UBE4B: variants seen among roughly 807,000 people sequenced by gnomAD.
The protein encoded by UBE4B is ubiquitin conjugation factor E4 B.
In UBE4B, 27 loss-of-function variants were observed where a neutral mutation model predicts 148.1. That is an observed-to-expected ratio of 0.18 (90% confidence interval 0.13 to 0.25). UBE4B has a LOEUF of 0.25. Ranked by LOEUF, UBE4B falls within the 10% of genes least tolerant of loss-of-function variation. The probability of loss-of-function intolerance (pLI) is 1.00; values close to 1 mark genes in which losing one functional copy is unlikely to be tolerated. For synonymous variants in UBE4B, 596 were observed against 619.3 expected (o/e 0.96, Z 0.56); for missense variants, 1,170 against 1,662.4 (o/e 0.70, Z 5.15).
intron 2 of UBE4B, among the ~76,000 whole-genome samples, chr1:10,075,392 C>T (rs958930133): frequency 6.6e-6 from 1 of 152,198 alleles, no homozygotes; most frequent in African/African-American, 2.4e-5. Flanking sequence ...GCATCTCTTG[C>T]CTGGATTTCT....
chr1:10,175,461 C>A (rs185219732), intron 25 of UBE4B, among the ~76,000 whole-genome samples: 8 of 151,006 alleles, frequency 5.3e-5, no homozygotes, highest in East Asian at 1.9e-4. Flanking sequence ...ACCGTCCTGG[C>A]TAACACGGTG....
intron 1 of UBE4B, 82 bp from the exon 2 acceptor site, chr1:10,071,946 T>G (rs1276868200): frequency 3.6e-6 from 5 of 1,394,844 alleles, no homozygotes; most frequent in Non-Finnish European, 4.8e-6. Flanking sequence ...AACTCTGGTT[T>G]GGTTATGAAT....
At chr1:10,089,203 C>T (rs1644809685) in intron 2 of UBE4B, among the ~76,000 whole-genome samples, 1 of 152,098 alleles carries the variant, frequency 6.6e-6, no homozygotes, top group Non-Finnish European at 1.5e-5. Flanking sequence ...GACAGGGTTT[C>T]ACCATATTGG....
At chr1:10,054,602 A>G (rs1355875685) in intron 1 of UBE4B, 2 of 261,286 alleles carry the variant, frequency 7.7e-6, no homozygotes, top group African/African-American at 4.6e-5. Flanking sequence ...TAGAGCGCTT[A>G]ATGTGCTCAA....
At chr1:10,129,474 A>G (rs72638958) in intron 12 of UBE4B, 26 bp downstream of exon 12, 3 of 1,601,774 alleles carry the variant, frequency 1.9e-6, no homozygotes, top group East Asian at 2.2e-5. Context: ...ATGGGCTTGC[A>G]CATTTTCAGT....
At chr1:10,048,977 A>G (rs1045238472) in intron 1 of UBE4B, among the ~76,000 whole-genome samples, 9 of 152,144 alleles carry the variant, frequency 5.9e-5, no homozygotes, top group African/African-American at 2.2e-4. Flanking sequence ...CTCTTTCCCC[A>G]AGGGAGGAAG....
intron 1 of UBE4B, among the ~76,000 whole-genome samples, chr1:10,071,054 G>A (rs960147408): frequency 1.1e-4 from 16 of 152,028 alleles, no homozygotes; most frequent in African/African-American, 3.1e-4. Context: ...TTACAGGCAC[G>A]CATCACCACA....
intron 25 of UBE4B, among the ~76,000 whole-genome samples, chr1:10,176,787 T>C (rs546744317): frequency 6.4e-4 from 92 of 143,720 alleles, no homozygotes; most frequent in African/African-American, 2.2e-3. Context: ...TCTTTTTCTT[T>C]TTTTTTTTTT....
chr1:10,105,479 T>C (rs774182138), intron 5 of UBE4B, 37 bp from the exon 6 acceptor site: 17 of 1,595,642 alleles, frequency 1.1e-5, no homozygotes, highest in Middle Eastern at 1.7e-4. Flanking sequence ...GTGTTCGAAC[T>C]GTGTGTAACC....
In UBE4B at chr1:10,042,260, G is replaced by A. The variant is rs182969387; in HGVS notation, c.24+8566G>A. On this transcript the variant is annotated intron_variant, in intron 1 of 27. Transcript: ENST00000343090. ...TAGTGGAAATGTCTTCCTGTAAACG[G>A]TTCATTCAACAGCGCTTACAGTTGA... Among the ~76,000 whole-genome samples the A allele has an allele frequency of 8.5e-5, 13 of 152,296 alleles. No homozygotes were observed. The East Asian group carries it at 2.1e-3, about 25-fold the overall frequency.
At chr1:10,173,101 G>T (rs1646361525) in intron 25 of UBE4B, among the ~76,000 whole-genome samples, 1 of 152,206 alleles carries the variant, frequency 6.6e-6, no homozygotes, top group Non-Finnish European at 1.5e-5. Context: ...AGCGACACAT[G>T]ACTGTGTGTC....
chr1:10,103,277 G>A (rs779795147), intron 5 of UBE4B, 185 bp downstream of exon 5: 5 of 482,226 alleles, frequency 1.0e-5, no homozygotes, highest in South Asian at 4.9e-5. Context: ...TGATCTTATC[G>A]ATAACTTATT....
intron 2 of UBE4B, among the ~76,000 whole-genome samples, chr1:10,079,263 AT>A (rs1644637498): frequency 6.6e-6 from 1 of 151,690 alleles, no homozygotes. Context: ...GGCTCAAGTG[AT>A]TTTCCTGCCT....
At chr1:10,149,107 A>G in intron 19 of UBE4B, 77 bp from the exon 20 acceptor site, 1 of 1,010,920 alleles carries the variant, frequency 9.9e-7, no homozygotes, top group Non-Finnish European at 1.5e-6. Flanking sequence ...TACTTATCCG[A>G]TGGTAATGTA....
chr1:10,117,971 G>A (rs780370690), intron 8 of UBE4B, among the ~76,000 whole-genome samples: 1 of 152,170 alleles, frequency 6.6e-6, no homozygotes, highest in Non-Finnish European at 1.5e-5. Flanking sequence ...GTGCCAGGTC[G>A]ACATTAGCTT....
chr1:10,035,747 A>AT (rs1167145830), intron 1 of UBE4B, among the ~76,000 whole-genome samples: 3 of 112,996 alleles, frequency 2.7e-5, no homozygotes, highest in Middle Eastern at 6.6e-3. Context: ...TATTTATTTT[A>AT]TTTTATTTTT....
At chr1:10,110,770 G>A (rs1394956801) in intron 7 of UBE4B, among the ~76,000 whole-genome samples, 2 of 152,048 alleles carry the variant, frequency 1.3e-5, no homozygotes, top group African/African-American at 2.4e-5. Flanking sequence ...AGTGAAAAAC[G>A]TTGACATTGA....
intron 15 of UBE4B, among the ~76,000 whole-genome samples, chr1:10,133,999 A>G (rs1334080900): frequency 6.6e-6 from 1 of 151,562 alleles, no homozygotes; most frequent in Admixed American, 6.6e-5. Context: ...GCAGTGAGCT[A>G]TGTTTGCACC....
At chr1:10,059,681 T>G (rs1309389014) in intron 1 of UBE4B, 1 of 153,886 alleles carries the variant, frequency 6.5e-6, no homozygotes, top group Non-Finnish European at 1.5e-5. Flanking sequence ...CCGATCCCTA[T>G]CCTGACAACA....
Sources: gnomAD v4.1 joint callset for allele counts (sites outside exome capture counted in the v4.1 genomes callset) on GRCh38, gnomAD v4.1.1 for gene constraint, MANE v1.5 for transcripts, NCBI Gene and HGNC (gene_info 2026-07-23, HGNC 2026-07-21) for gene names.